C16orf74: variants seen among roughly 807,000 people sequenced by gnomAD.
The protein encoded by C16orf74 is calcimembrin.
Under a neutral mutation model 6.5 loss-of-function variants are expected in C16orf74, and 10 were observed. That is an observed-to-expected ratio of 1.54 (90% CI 0.95 to 2.61). C16orf74 has a LOEUF of 2.61. Ranked by LOEUF, C16orf74 falls within the 30% of genes most tolerant of loss-of-function variation. C16orf74 has a pLI of 0.00. For synonymous variants in C16orf74, 60 were observed against 42.5 expected (o/e 1.41, Z -1.60); for missense variants, 141 against 105.9 (o/e 1.33, Z -1.45).
intron 2 of C16orf74, among the ~76,000 whole-genome samples, chr16:85,730,448 C>A (rs440642): frequency 0.26 from 39,107 of 151,932 alleles, 5,473 homozygotes; most frequent in Middle Eastern, 0.37. Flanking sequence ...GAGAGATTCC[C>A]AGACTGGAGG....
intron 2 of C16orf74, among the ~76,000 whole-genome samples, chr16:85,718,172 C>G (rs867385175): frequency 6.6e-6 from 1 of 152,188 alleles, no homozygotes; most frequent in Admixed American, 6.5e-5. Context: ...CTGGCTCAAG[C>G]GATTCTCCCA....
intron 2 of C16orf74, chr16:85,710,603 C>A: frequency 2.7e-6 from 1 of 365,790 alleles, no homozygotes; most frequent in Non-Finnish European, 4.9e-6. Flanking sequence ...TGTGGCCCAG[C>A]CAGCTGCAGC....
intron 2 of C16orf74, among the ~76,000 whole-genome samples, chr16:85,721,820 G>A (rs1229309568): frequency 6.6e-6 from 1 of 152,158 alleles, no homozygotes; most frequent in Admixed American, 6.5e-5. Context: ...GCTCCAGGAT[G>A]GCCCAAGCCA....
intron 2 of C16orf74, among the ~76,000 whole-genome samples, chr16:85,727,023 A>C (rs1456910945): frequency 6.6e-6 from 1 of 152,190 alleles, no homozygotes; most frequent in Non-Finnish European, 1.5e-5. Flanking sequence ...CTGAGTTAGC[A>C]TTAAGGTCAC....
At chr16:85,734,678 G>T (rs529063194) in intron 2 of C16orf74, among the ~76,000 whole-genome samples, 2 of 152,324 alleles carry the variant, frequency 1.3e-5, no homozygotes, top group African/African-American at 4.8e-5. Flanking sequence ...ATTGGTCTGA[G>T]GTGCCCCAGG....
chr16:85,729,999 T>C (rs2054171613), intron 2 of C16orf74, among the ~76,000 whole-genome samples: 1 of 151,968 alleles, frequency 6.6e-6, no homozygotes, highest in African/African-American at 2.4e-5. Context: ...AGTGGGCAGA[T>C]CCCATCCCAG....
intron 3 of C16orf74, among the ~76,000 whole-genome samples, chr16:85,708,485 T>C (rs1424667471): frequency 6.6e-6 from 1 of 152,154 alleles, no homozygotes; most frequent in Non-Finnish European, 1.5e-5. Flanking sequence ...AGTACTGGGG[T>C]GCAGGAGGCG....
intron 2 of C16orf74, among the ~76,000 whole-genome samples, chr16:85,733,998 A>C (rs909991240): frequency 5.3e-5 from 8 of 152,160 alleles, no homozygotes; most frequent in African/African-American, 1.9e-4. Context: ...CAGCCTGGGA[A>C]TCTGAAGGGT....
At chr16:85,734,081 C>T (rs527327494) in intron 2 of C16orf74, among the ~76,000 whole-genome samples, 2 of 152,322 alleles carry the variant, frequency 1.3e-5, no homozygotes, top group East Asian at 1.9e-4. Flanking sequence ...GGGCTCCCCT[C>T]GGCTTTCCAG....
intron 1 of C16orf74, among the ~76,000 whole-genome samples, chr16:85,736,812 G>A (rs1183180394): frequency 6.6e-6 from 1 of 152,160 alleles, no homozygotes; most frequent in East Asian, 1.9e-4. Context: ...CTGACACTTT[G>A]GGAGGCCGAG....
intron 2 of C16orf74, among the ~76,000 whole-genome samples, chr16:85,731,848 T>G (rs2054191855): frequency 6.6e-6 from 1 of 152,018 alleles, no homozygotes; most frequent in Admixed American, 6.6e-5. Context: ...ATGCCACCAT[T>G]CCCTGATAAT....
chr16:85,728,448 G>A (rs924606121), intron 2 of C16orf74, among the ~76,000 whole-genome samples: 1 of 152,104 alleles, frequency 6.6e-6, no homozygotes, highest in Admixed American at 6.5e-5. Context: ...CAGGACAGTT[G>A]CTGGGACCAG....
At chr16:85,717,050 C>A (rs1158556725) in intron 2 of C16orf74, among the ~76,000 whole-genome samples, 3 of 152,248 alleles carry the variant, frequency 2.0e-5, no homozygotes, top group African/African-American at 7.2e-5. Context: ...GACCTCCCCA[C>A]TTCCGGGGAG....
chr16:85,740,984 T>C (rs934812122), intron 1 of C16orf74, among the ~76,000 whole-genome samples: 1 of 152,058 alleles, frequency 6.6e-6, no homozygotes, highest in African/African-American at 2.4e-5. Context: ...TAGGTAAATG[T>C]TCATTTCTGG....
At chr16:85,741,491 G>C (rs72803098) in intron 1 of C16orf74, 28,723 of 160,796 alleles carry the variant, frequency 0.18, 3,210 homozygotes, top group Middle Eastern at 0.26. Context: ...AGGATGCAGT[G>C]AGGGTCAGGC....
At chr16:85,715,090 G>T (rs939091917) in intron 2 of C16orf74, among the ~76,000 whole-genome samples, 1 of 151,336 alleles carries the variant, frequency 6.6e-6, no homozygotes, top group African/African-American at 2.4e-5. Context: ...CCGGGAGGCG[G>T]AGCTTGCAGT....
chr16:85,737,815 G>C (rs1316300288), intron 1 of C16orf74, among the ~76,000 whole-genome samples: 2 of 152,102 alleles, frequency 1.3e-5, no homozygotes, highest in East Asian at 1.9e-4. Context: ...TGGGCAATAA[G>C]AGCGAAACTC....
At chr16:85,738,439 C>G (rs1027827379) in intron 1 of C16orf74, among the ~76,000 whole-genome samples, 1 of 151,378 alleles carries the variant, frequency 6.6e-6, no homozygotes, top group South Asian at 2.1e-4. Flanking sequence ...ATTCTCCTGC[C>G]TCAGCCTCCC....
chr16:85,708,234 C>CGGACCCCGGAACTGCTTCAGTTTAAGAG (rs2053932937), intron 3 of C16orf74, among the ~76,000 whole-genome samples, 168 bp from the exon 4 acceptor site: 1 of 152,160 alleles, frequency 6.6e-6, no homozygotes, highest in South Asian at 2.1e-4. Flanking sequence ...CTGGGTGAAT[C>CGGACCCCGGAACTGCTTCAGTTTAAGAG]GGACCCCGGA....
Sources: allele counts gnomAD v4.1 joint callset (sites outside exome capture counted in the v4.1 genomes callset), GRCh38; gene constraint gnomAD v4.1.1; transcripts MANE v1.5; gene names NCBI Gene and HGNC (gene_info 2026-07-23, HGNC 2026-07-21).